PRKCQ: variants seen among roughly 807,000 people sequenced by gnomAD.
PRKCQ encodes the protein protein kinase C theta type.
PRKCQ carries 41 observed loss-of-function variants against 91.2 expected under a neutral mutation model. The ratio of observed to expected loss-of-function variants is 0.45; its 90% CI spans 0.35 to 0.58. The LOEUF (loss-of-function observed/expected upper bound fraction) is 0.58, where lower values mean the gene tolerates loss of function less well. PRKCQ is among the 20% of genes least tolerant of loss of function. The pLI, the probability that PRKCQ is intolerant of heterozygous loss-of-function variation, is 0.00. For synonymous variants in PRKCQ, 307 were observed against 316.9 expected (o/e 0.97, Z 0.33); for missense variants, 673 against 896.5 (o/e 0.75, Z 3.18).
chr10:6,507,341 C>A, intron 4 of PRKCQ, 95 bp downstream of exon 4: 1 of 1,237,614 alleles, frequency 8.1e-7, no homozygotes, highest in Non-Finnish European at 1.2e-6. Context: ...TCTCCTGATT[C>A]TCTTCTACAA....
intron 15 of PRKCQ, among the ~76,000 whole-genome samples, chr10:6,455,488 G>A (rs945264691): frequency 2.0e-5 from 3 of 152,172 alleles, no homozygotes; most frequent in Admixed American, 6.5e-5. Flanking sequence ...AACTCCTTTG[G>A]CAATGACAGG....
chr10:6,475,888 C>T (rs903619007), intron 12 of PRKCQ, among the ~76,000 whole-genome samples: 1 of 152,210 alleles, frequency 6.6e-6, no homozygotes, highest in Non-Finnish European at 1.5e-5. Flanking sequence ...TCTAAAAGGA[C>T]TCAGTTCCTT....
intron 1 of PRKCQ, among the ~76,000 whole-genome samples, chr10:6,553,502 A>AT (rs1321847824): frequency 6.7e-6 from 1 of 148,212 alleles, no homozygotes. Flanking sequence ...AAAAAAAAAA[A>AT]AAAAAAAAAA....
At chr10:6,411,388 G>A in the PRKCQ span, among the ~76,000 whole-genome samples, 8 of 152,288 alleles carry the variant, frequency 5.3e-5, no homozygotes, top group East Asian at 1.4e-3. Flanking sequence ...TTGCTTGACA[G>A]TTATTCCAGA....
At chr10:6,571,100 G>A (rs1361664615) in intron 1 of PRKCQ, among the ~76,000 whole-genome samples, 2 of 152,040 alleles carry the variant, frequency 1.3e-5, no homozygotes, top group East Asian at 1.9e-4. Flanking sequence ...TGGGAGCTGG[G>A]GAAGACAGAG....
At chr10:6,445,615 G>A (rs568898640) in intron 15 of PRKCQ, among the ~76,000 whole-genome samples, 7 of 152,288 alleles carry the variant, frequency 4.6e-5, no homozygotes, top group South Asian at 4.1e-4. Context: ...ACTTGTCCCC[G>A]TTTCTGAAAA....
At chr10:6,504,313 T>C (rs1838073134) in intron 4 of PRKCQ, among the ~76,000 whole-genome samples, 1 of 152,150 alleles carries the variant, frequency 6.6e-6, no homozygotes, top group African/African-American at 2.4e-5. Context: ...AGTATATTCT[T>C]CCCATTAGTT....
intron 1 of PRKCQ, among the ~76,000 whole-genome samples, chr10:6,557,343 C>T (rs553104400): frequency 6.6e-6 from 1 of 152,312 alleles, no homozygotes; most frequent in African/African-American, 2.4e-5. Flanking sequence ...AGACCTTCTT[C>T]CTTTTGTTCC....
chr10:6,464,985 G>T (rs630516), intron 12 of PRKCQ, among the ~76,000 whole-genome samples: 4 of 151,874 alleles, frequency 2.6e-5, no homozygotes, highest in East Asian at 3.9e-4. Flanking sequence ...GGGGCACAAG[G>T]GAGAGTCCAG....
intron 16 of PRKCQ, among the ~76,000 whole-genome samples, chr10:6,435,977 G>A (rs1833679390): frequency 6.6e-6 from 1 of 152,178 alleles, no homozygotes; most frequent in African/African-American, 2.4e-5. Context: ...GCTGGGCATT[G>A]GTGGCATGCA....
chr10:6,476,514 T>G (rs949109356), intron 12 of PRKCQ, among the ~76,000 whole-genome samples: 9 of 152,358 alleles, frequency 5.9e-5, no homozygotes, highest in African/African-American at 2.2e-4. Flanking sequence ...TGTTCTTGCT[T>G]AAAAGGAAAT....
At chr10:6,505,514 TTCCTTTTC>T (rs1278081917) in intron 4 of PRKCQ, among the ~76,000 whole-genome samples, 1 of 105,818 alleles carries the variant, frequency 9.5e-6, no homozygotes, top group Non-Finnish European at 2.3e-5. Context: ...CCTTCCTTCC[TTCCTTTTC>T]TTTCTTTCTT....
intron 3 of PRKCQ, among the ~76,000 whole-genome samples, chr10:6,510,532 G>A (rs754304454): frequency 2.6e-5 from 4 of 152,140 alleles, no homozygotes; most frequent in Non-Finnish European, 5.9e-5. Flanking sequence ...ATATCTTAAC[G>A]TGTTCTGAGT....
intron 16 of PRKCQ, among the ~76,000 whole-genome samples, chr10:6,431,948 A>G (rs1034478344): frequency 2.6e-5 from 4 of 152,248 alleles, no homozygotes; most frequent in Non-Finnish European, 5.9e-5. Flanking sequence ...AAGACAGGAA[A>G]GAAACTTGGA....
chr10:6,451,540 A>C (rs188785001), intron 15 of PRKCQ, among the ~76,000 whole-genome samples: 1 of 152,152 alleles, frequency 6.6e-6, no homozygotes. Context: ...CTATTCCACT[A>C]AATAGAAAAA....
intron 16 of PRKCQ, among the ~76,000 whole-genome samples, chr10:6,435,538 G>A (rs944227138): frequency 6.6e-6 from 1 of 152,168 alleles, no homozygotes; most frequent in Admixed American, 6.5e-5. Context: ...GTAAGAGAAA[G>A]TTCATGGAAG....
intron 15 of PRKCQ, among the ~76,000 whole-genome samples, chr10:6,450,407 C>T (rs945314414): frequency 6.6e-6 from 1 of 152,084 alleles, no homozygotes; most frequent in Non-Finnish European, 1.5e-5. Context: ...GCATCCAATA[C>T]AGGAGCACCC....
chr10:6,410,386 C>T, the PRKCQ span, among the ~76,000 whole-genome samples: 1 of 152,204 alleles, frequency 6.6e-6, no homozygotes, highest in Non-Finnish European at 1.5e-5. Flanking sequence ...TGCCAGAGAT[C>T]ACAGCTGGTT....
At position 6,498,287 on chromosome 10, in the gene PRKCQ, C is replaced by G. The variant is rs542164439; in HGVS notation, c.542+109G>C. 43 of 1,368,536 alleles carry G rather than the reference C, an allele frequency of 3.1e-5. No individual in the cohort carries two copies. In the South Asian group the frequency reaches 3.8e-4, roughly 12 times the overall value. The allele number at this position is 1,368,536 out of a possible 1,614,324, so 84.8% of individuals were successfully genotyped here. On this transcript the variant is annotated intron_variant, in intron 5 of 17. Coordinates refer to ENST00000263125, the MANE Select transcript of PRKCQ (RefSeq NM_006257.5). ...AAGGTCCCTGACAACGCTGAGGTAG[C>G]ATTTACTCCAGCACACCCCCCACAG...
Sources: gnomAD v4.1 joint callset for allele counts (sites outside exome capture counted in the v4.1 genomes callset) on GRCh38, gnomAD v4.1.1 for gene constraint, MANE v1.5 for transcripts, NCBI Gene and HGNC (gene_info 2026-07-23, HGNC 2026-07-21) for gene names.